Variants in ROR1 observed in about 807,000 individuals in gnomAD.
ROR1 encodes the protein inactive tyrosine-protein kinase transmembrane receptor ROR1.
In ROR1, 19 loss-of-function variants were observed where a neutral mutation model predicts 78.8. The ratio of observed to expected loss-of-function variants is 0.24; its 90% confidence interval spans 0.17 to 0.35. ROR1 has a LOEUF of 0.35. Among genes scored for constraint, ROR1 ranks in the 10% least tolerant of loss-of-function variants. ROR1 has a pLI of 1.00. For missense variants in ROR1, 917 were observed against 1,177.8 expected, an observed-to-expected ratio of 0.78 and a Z score of 3.24; for synonymous variants, 386 against 433.6, an observed-to-expected ratio of 0.89 and a Z score of 1.36.
Position 63,999,972 on chromosome 1 carries a change from T to C in ROR1, c.92-9333T>C, listed in dbSNP as rs79281106. 2.9e-3 allele frequency among the ~76,000 whole-genome samples: 436 copies of C among 152,308 alleles called. 2 individuals are homozygous for C. Among genetic ancestry groups the C allele is most frequent in the African/African-American group, 0.01 (426 of 41,564 alleles). On this transcript the variant is annotated intron_variant, in intron 1 of 8. Transcript: ENST00000371079. ...TCTTCCTTGTGTCTCTTGTTTCTTT[T>C]GAGTGGCATGTGACTTTGAATTGGC...
chr1:64,108,878 G>A (rs1277791101), intron 4 of ROR1, among the ~76,000 whole-genome samples: 3 of 152,106 alleles, frequency 2.0e-5, no homozygotes, highest in African/African-American at 4.8e-5. Flanking sequence ...CATCCCTTGG[G>A]GGATTGTTAA....
intron 1 of ROR1, among the ~76,000 whole-genome samples, chr1:63,870,592 A>G (rs1474757373): frequency 1.3e-5 from 2 of 152,152 alleles, no homozygotes; most frequent in Non-Finnish European, 2.9e-5. Flanking sequence ...ATTAATAGTA[A>G]CTAAACACCT....
intron 1 of ROR1, among the ~76,000 whole-genome samples, chr1:63,859,965 T>C (rs1185067974): frequency 6.6e-6 from 1 of 152,204 alleles, no homozygotes; most frequent in African/African-American, 2.4e-5. Flanking sequence ...AATATCTGTA[T>C]TTTATAGATG....
intron 1 of ROR1, among the ~76,000 whole-genome samples, chr1:63,951,711 C>A (rs925323744): frequency 6.6e-6 from 1 of 152,104 alleles, no homozygotes; most frequent in Non-Finnish European, 1.5e-5. Context: ...TAAAGACACC[C>A]CCCCCTCACC....
Position 64,068,387 on chromosome 1 carries a change from A to G in ROR1, c.482+17671A>G, listed in dbSNP as rs536128638. Among the ~76,000 whole-genome samples the G allele has an allele frequency of 7.2e-5, 11 of 152,302 alleles. No homozygotes were observed. In the South Asian group the frequency reaches 2.3e-3, roughly 32 times the overall value. On this transcript the variant is annotated intron_variant, in intron 4 of 8. Coordinates refer to ENST00000371079, the MANE Select transcript of ROR1 (RefSeq NM_005012.4). The stretch of plus-strand genomic sequence containing the variant: ...TTGGCAACCATCCTTCCATTTCAAG[A>G]AAGTCTTGAGGTGGAGTTAGCAGTG...
intron 1 of ROR1, among the ~76,000 whole-genome samples, chr1:63,950,722 G>T (rs1034701945): frequency 6.6e-6 from 1 of 152,178 alleles, no homozygotes; most frequent in Non-Finnish European, 1.5e-5. Flanking sequence ...TTCCCCAAAT[G>T]TTTGTTTTTA....
intron 1 of ROR1, among the ~76,000 whole-genome samples, chr1:63,831,311 G>A (rs1473156819): frequency 1.3e-5 from 2 of 152,198 alleles, no homozygotes; most frequent in Non-Finnish European, 2.9e-5. Context: ...CCCTAGTAGA[G>A]GTTCTCCATG....
At chr1:64,061,403 G>A (rs543727001) in intron 4 of ROR1, among the ~76,000 whole-genome samples, 21 of 152,236 alleles carry the variant, frequency 1.4e-4, no homozygotes, top group African/African-American at 5.1e-4. Context: ...CAGAACAAGT[G>A]GTGCTCAAGG....
At chr1:64,162,201 T>G (rs1649963473) in intron 8 of ROR1, among the ~76,000 whole-genome samples, 2 of 152,302 alleles carry the variant, frequency 1.3e-5, no homozygotes, top group East Asian at 1.9e-4. Context: ...AGTCAGAGAC[T>G]CTAGGGTTCT....
chr1:64,112,483 G>T (rs1648139609), intron 4 of ROR1, among the ~76,000 whole-genome samples: 1 of 152,158 alleles, frequency 6.6e-6, no homozygotes. Flanking sequence ...GTAGTAACTT[G>T]TCCTGGACTT....
At position 64,179,609 on chromosome 1, in the gene ROR1, T is replaced by G. The variant is rs1327870456; in HGVS notation, c.*754T>G. ...GCTAGATGTGGATGCTAGAATTGAT[T>G]GTTGGTTGATAGTTCTCTTTGCTGG... On this transcript the variant is annotated 3_prime_UTR_variant, in exon 9 of 9. Coordinates refer to ENST00000371079, the MANE Select transcript of ROR1 (RefSeq NM_005012.4). The G allele has an allele frequency of 6.6e-6, 1 of 152,152 alleles. No homozygotes were observed. Among genetic ancestry groups the G allele is most frequent in the South Asian group, 2.1e-4 (1 of 4,820 alleles). The allele number at this position is 152,152 out of a possible 1,614,324, so 9.4% of individuals were successfully genotyped here. A position where few individuals can be genotyped will look rare whatever the true frequency, so the allele number is the denominator to read the frequency against.
At chr1:64,123,926 A>G (rs1417500850) in intron 4 of ROR1, among the ~76,000 whole-genome samples, 1 of 152,200 alleles carries the variant, frequency 6.6e-6, no homozygotes, top group African/African-American at 2.4e-5. Context: ...ATCTATCTAC[A>G]AGGATGTTTA....
chr1:63,832,034 T>C (rs1644991964), intron 1 of ROR1, among the ~76,000 whole-genome samples: 1 of 152,230 alleles, frequency 6.6e-6, no homozygotes, highest in Non-Finnish European at 1.5e-5. Context: ...CCGGTCTCTT[T>C]GCTAAAGCAT....
At chr1:64,161,576 T>TAA (rs1649945938) in intron 8 of ROR1, among the ~76,000 whole-genome samples, 3 of 131,710 alleles carry the variant, frequency 2.3e-5, no homozygotes, top group African/African-American at 7.8e-5. Flanking sequence ...TCCTTCATGG[T>TAA]CAGAGACAAA....
chr1:63,831,544 G>A (rs1644988977), intron 1 of ROR1, among the ~76,000 whole-genome samples: 1 of 152,188 alleles, frequency 6.6e-6, no homozygotes, highest in African/African-American at 2.4e-5. Flanking sequence ...GAGTGGCTGA[G>A]ACTCAAGGTG....
chr1:63,776,680 C>G (rs1644618409), intron 1 of ROR1, among the ~76,000 whole-genome samples: 1 of 152,196 alleles, frequency 6.6e-6, no homozygotes, highest in African/African-American at 2.4e-5. Flanking sequence ...GGTCTGGTTC[C>G]TAGGTGCCGG....
intron 1 of ROR1, among the ~76,000 whole-genome samples, chr1:63,824,961 A>G (rs1287431491): frequency 6.6e-6 from 1 of 152,160 alleles, no homozygotes; most frequent in Non-Finnish European, 1.5e-5. Context: ...TTCAAATATA[A>G]ACTGAAACCA....
At chr1:63,930,377 C>T (rs1487644761) in intron 1 of ROR1, among the ~76,000 whole-genome samples, 1 of 152,190 alleles carries the variant, frequency 6.6e-6, no homozygotes, top group Non-Finnish European at 1.5e-5. Flanking sequence ...CAAGTACAAG[C>T]ATTTATTAGC....
Position 64,108,012 on chromosome 1 carries a change from T to A in ROR1, c.483-29357T>A, listed in dbSNP as rs139907028. Among the ~76,000 whole-genome samples, 369 of 152,196 alleles carry A rather than the reference T, an allele frequency of 2.4e-3. 1 individual carries two copies. Among genetic ancestry groups the A allele is most frequent in the African/African-American group, 8.6e-3 (359 of 41,520 alleles). ...TTATATGGATGTATAAATTTTGGTC[T>A]TGATCTGGGCAGCATATTTTTAACA... On this transcript the variant is annotated intron_variant, in intron 4 of 8. Coordinates refer to ENST00000371079, the MANE Select transcript of ROR1 (RefSeq NM_005012.4).
Sources: gnomAD v4.1 joint callset for allele counts (sites outside exome capture counted in the v4.1 genomes callset) on GRCh38, gnomAD v4.1.1 for gene constraint, MANE v1.5 for transcripts, NCBI Gene and HGNC (gene_info 2026-07-23, HGNC 2026-07-21) for gene names.